SGO2: variants seen among roughly 807,000 people sequenced by gnomAD.
SGO2 encodes shugoshin-like 2.
In SGO2, 68 loss-of-function variants were observed where a neutral mutation model predicts 99.5. That is an observed-to-expected ratio of 0.68 (90% CI 0.56 to 0.84). SGO2 has a LOEUF of 0.84. SGO2 is among the 40% of genes least tolerant of loss of function. The pLI, the probability that SGO2 is intolerant of heterozygous loss-of-function variation, is 0.00. For synonymous variants in SGO2, 457 were observed against 487.1 expected, an observed-to-expected ratio of 0.94 and a Z score of 0.81; for missense variants, 1,350 against 1,436.7, an observed-to-expected ratio of 0.94 and a Z score of 0.97.
intron 5 of SGO2, among the ~76,000 whole-genome samples, chr2:200,547,565 A>G (rs969830062): frequency 7.2e-5 from 11 of 152,220 alleles, no homozygotes; most frequent in Non-Finnish European, 1.2e-4. Context: ...TATCAAAACT[A>G]TATCAACCTG....
intron 1 of SGO2, 146 bp from the exon 2 acceptor site, chr2:200,532,828 C>A (rs955722219): frequency 2.3e-6 from 2 of 883,514 alleles, no homozygotes; most frequent in Non-Finnish European, 3.3e-6. Flanking sequence ...TGATTACATT[C>A]ATACTTTCAG....
chr2:200,562,924 G>T (rs986316893), intron 5 of SGO2, among the ~76,000 whole-genome samples: 7 of 152,332 alleles, frequency 4.6e-5, no homozygotes, highest in Admixed American at 2.0e-4. Context: ...CTGAGACTTT[G>T]CTGAAGTTGC....
chr2:200,569,455 A>T (rs2033308799), intron 5 of SGO2, among the ~76,000 whole-genome samples: 1 of 152,084 alleles, frequency 6.6e-6, no homozygotes, highest in South Asian at 2.1e-4. Context: ...ACTGTGACTA[A>T]GGGGTTAAGA....
intron 4 of SGO2, among the ~76,000 whole-genome samples, chr2:200,537,566 A>C (rs1344363507): frequency 6.6e-6 from 1 of 151,796 alleles, no homozygotes; most frequent in South Asian, 2.1e-4. Context: ...GTCTCTTCCT[A>C]CCTTTCTGGC....
At position 200,526,770 on chromosome 2, in the gene SGO2, G is replaced by T. The variant is rs1359532105; in HGVS notation, c.-3+518G>T. On this transcript the variant is annotated intron_variant, in intron 1 of 8. Coordinates refer to ENST00000357799, the MANE Select transcript of SGO2 (RefSeq NM_152524.6). The surrounding 1 kb of genome is among the most constrained non-coding windows in gnomAD (Gnocchi z 4.8). Reference sequence around the variant, plus strand: ...GATTTCAGTAGAGAATAGGGACAATGATTTTTTAGATGAGGTATCCAATTC... The same window carrying T: ...GATTTCAGTAGAGAATAGGGACAATTATTTTTTAGATGAGGTATCCAATTC... Among the ~76,000 whole-genome samples the T allele has an allele frequency of 5.3e-5, 8 of 152,212 alleles. No individual in the cohort carries two copies. The highest frequency in any genetic ancestry group is 1.9e-4 in the African/African-American group (8 of 41,528).
chr2:200,582,342 G>C (rs2033863817), intron 8 of SGO2, among the ~76,000 whole-genome samples: 1 of 151,924 alleles, frequency 6.6e-6, no homozygotes, highest in Admixed American at 6.5e-5. Flanking sequence ...ATGGGGCTAG[G>C]GACAGAAGAC....
chr2:200,533,625 T>C (rs1559197941), intron 2 of SGO2, among the ~76,000 whole-genome samples: 1 of 151,258 alleles, frequency 6.6e-6, no homozygotes. Flanking sequence ...ATTCTGGAGT[T>C]AAGGCATCAG....
intron 5 of SGO2, among the ~76,000 whole-genome samples, chr2:200,560,871 G>C (rs1306328355): frequency 6.6e-6 from 1 of 152,070 alleles, no homozygotes; most frequent in Admixed American, 6.6e-5. Flanking sequence ...GAAGTAATTT[G>C]GGCCTGGAGT....
Position 200,526,312 on chromosome 2 carries a change from G to C in SGO2, c.-3+60G>C, listed in dbSNP as rs757606349. The C allele has an allele frequency of 3.9e-5, 6 of 152,268 alleles. No individual in the cohort carries two copies. The highest frequency in any genetic ancestry group is 7.2e-5 in the African/African-American group (3 of 41,472). The allele number at this position is 152,268 out of a possible 1,614,324, so 9.4% of individuals were successfully genotyped here. On this transcript the variant is annotated intron_variant, in intron 1 of 8. Coordinates refer to ENST00000357799, the MANE Select transcript of SGO2 (RefSeq NM_152524.6). This position sits in a 1 kb window ranked among gnomAD's most constrained non-coding sequence, Gnocchi z 4.8. Reference sequence around the variant, plus strand: ...CCCTCTCCCTGTCGGGATCGGTGTCGTTCTTGAGTCGGTTCTCTAGGCGCT... The same window carrying C: ...CCCTCTCCCTGTCGGGATCGGTGTCCTTCTTGAGTCGGTTCTCTAGGCGCT...
chr2:200,528,364 A>G (rs2031205920), intron 1 of SGO2, among the ~76,000 whole-genome samples: 2 of 152,210 alleles, frequency 1.3e-5, no homozygotes, highest in African/African-American at 4.8e-5. Flanking sequence ...AACTTGAATC[A>G]AAGTGGTAGC....
At chr2:200,567,578 T>G (rs1283350129) in intron 5 of SGO2, among the ~76,000 whole-genome samples, 3 of 152,194 alleles carry the variant, frequency 2.0e-5, no homozygotes, top group African/African-American at 7.2e-5. Flanking sequence ...TTTCAATCTC[T>G]AAAAGGGAAT....
Position 200,573,986 on chromosome 2 carries a change from A to G in SGO2, c.3631+9A>G. Reference sequence around the variant, plus strand: ...CCAAAAATCAGGAATAGGTAGGTTAATAACCATTATGAAATGATAAAGTTT... The same window carrying G: ...CCAAAAATCAGGAATAGGTAGGTTAGTAACCATTATGAAATGATAAAGTTT... On this transcript the variant is annotated intron_variant, in intron 7 of 8. Coordinates refer to ENST00000357799, the MANE Select transcript of SGO2 (RefSeq NM_152524.6). 2 of 1,537,498 alleles carry G rather than the reference A, an allele frequency of 1.3e-6. No individual in the cohort carries two copies. Among genetic ancestry groups the G allele is most frequent in the Non-Finnish European group, 1.7e-6 (2 of 1,150,356 alleles).
intron 7 of SGO2, among the ~76,000 whole-genome samples, 197 bp from the exon 8 acceptor site, chr2:200,575,114 G>A (rs1574885072): frequency 6.6e-6 from 1 of 151,930 alleles, no homozygotes; most frequent in Non-Finnish European, 1.5e-5. Context: ...TGAACTTTGG[G>A]AGCCATATGT....
chr2:200,545,719 A>G (rs2032181913), intron 5 of SGO2, among the ~76,000 whole-genome samples: 2 of 152,274 alleles, frequency 1.3e-5, no homozygotes, highest in East Asian at 1.9e-4. Flanking sequence ...CCAGGCCCGA[A>G]CTATGTGGAA....
rs1415668039 is a variant in SGO2, at chr2:200,569,346, A to G, written c.474-317A>G. ...TTTATGAAAAGTATAAATATTATAC[A>G]TGGCTGTTTGTAAGTACATTTGAAC... On this transcript the variant is annotated intron_variant, in intron 5 of 8. Transcript: ENST00000357799. Among the ~76,000 whole-genome samples the G allele has an allele frequency of 1.6e-4, 24 of 152,148 alleles. 1 individual carries two copies. The highest frequency in any genetic ancestry group is 1.6e-3 in the Admixed American group (24 of 15,264).
At chr2:200,565,266 A>G (rs1477411936) in intron 5 of SGO2, among the ~76,000 whole-genome samples, 7 of 152,180 alleles carry the variant, frequency 4.6e-5, no homozygotes, top group Admixed American at 4.6e-4. Context: ...GGTGGTGACA[A>G]AATCGCTCAG....
intron 5 of SGO2, among the ~76,000 whole-genome samples, chr2:200,561,683 A>C (rs1448299629): frequency 6.6e-6 from 1 of 152,152 alleles, no homozygotes; most frequent in African/African-American, 2.4e-5. Context: ...CAACAGTGTA[A>C]AAGTGTTCCT....
Position 200,572,046 on chromosome 2 carries a change from A to G in SGO2, c.1700A>G (p.Glu567Gly), listed in dbSNP as rs537217995. 6.2e-7 allele frequency: 1 copy of G among 1,613,478 alleles called. No individual in the cohort carries two copies. Among genetic ancestry groups the G allele is most frequent in the Admixed American group, 1.7e-5 (1 of 59,974 alleles). The change falls in exon 7 of 9, where the codon GAA becomes GGA. Residue 567 changes from glutamate (E) to glycine (G), a missense_variant. Transcript: ENST00000357799. Reference sequence around the variant, plus strand: ...TATGAAAACCTAGACGTCACAAATGAATTTCACACAGCCAATCTTTCCACC... The same window carrying G: ...TATGAAAACCTAGACGTCACAAATGGATTTCACACAGCCAATCTTTCCACC... ...TIYENLDVTNEFHTANLSTKD... is the reference protein window; with the variant it reads ...TIYENLDVTNGFHTANLSTKD...
rs2033367065 is a variant in SGO2, at chr2:200,570,542, C to T, written c.704-508C>T. Among the ~76,000 whole-genome samples, 1 of 140,550 alleles carries T rather than the reference C, an allele frequency of 7.1e-6. No individual in the cohort carries two copies. Among genetic ancestry groups the T allele is most frequent in the Non-Finnish European group, 1.6e-5 (1 of 62,596 alleles). The allele number at this position is 140,550 out of a possible 152,430, so 92.2% of individuals were successfully genotyped here. A position where few individuals can be genotyped will look rare whatever the true frequency, so the allele number is the denominator to read the frequency against. On this transcript the variant is annotated intron_variant, in intron 6 of 8. Coordinates refer to ENST00000357799, the MANE Select transcript of SGO2 (RefSeq NM_152524.6). This position sits in a 1 kb window ranked among gnomAD's most constrained non-coding sequence, Gnocchi z 4.4. ...TGTATATGTATATAATATATACACA[C>T]ACACATATATACACACATATATATG...
Sources: allele counts gnomAD v4.1 joint callset (sites outside exome capture counted in the v4.1 genomes callset), GRCh38; gene constraint gnomAD v4.1.1; non-coding constraint Gnocchi (gnomAD v3.1); transcripts MANE v1.5; gene names NCBI Gene and HGNC (gene_info 2026-07-23, HGNC 2026-07-21).